Variants in ZFHX3 observed in about 807,000 individuals in gnomAD.
ZFHX3 encodes zinc finger homeobox protein 3.
ZFHX3 carries 42 observed loss-of-function variants against 279.1 expected under a neutral mutation model. The ratio of observed to expected loss-of-function variants is 0.15; its 90% CI spans 0.12 to 0.19. The LOEUF is 0.19. Ranked by LOEUF, ZFHX3 falls within the 10% of genes least tolerant of loss-of-function variation. The probability of loss-of-function intolerance (pLI) is 1.00; values close to 1 mark genes in which losing one functional copy is unlikely to be tolerated. For missense variants in ZFHX3, 4,981 were observed against 4,754.0 expected (o/e 1.05, Z -1.40); for synonymous variants, 2,293 against 1,957.8 (o/e 1.17, Z -4.52).
chr16:72,844,934 C>G (rs1427848356), intron 4 of ZFHX3, among the ~76,000 whole-genome samples: 1 of 151,712 alleles, frequency 6.6e-6, no homozygotes, highest in Non-Finnish European at 1.5e-5. Flanking sequence ...TAACAGTGCT[C>G]CCCTTCCCTG....
chr16:73,262,615 A>T (rs2144969904), intron 4 of ZFHX3, among the ~76,000 whole-genome samples: 1 of 152,344 alleles, frequency 6.6e-6, no homozygotes, highest in South Asian at 2.1e-4. Context: ...AGGTGGCATC[A>T]TCAACCAGAA....
At chr16:72,860,748 G>C (rs2037867532) in intron 4 of ZFHX3, among the ~76,000 whole-genome samples, 1 of 152,094 alleles carries the variant, frequency 6.6e-6, no homozygotes, top group African/African-American at 2.4e-5. Context: ...CAAACTTTTA[G>C]GTCCCCTTTG....
Position 72,790,004 on chromosome 16 carries a change from A to G in ZFHX3, c.9428-1156T>C, listed in dbSNP as rs904821804. 5 of 152,454 alleles carry G rather than the reference A, an allele frequency of 3.3e-5. 1 individual carries two copies. The highest frequency in any genetic ancestry group is 1.9e-4 in the East Asian group (1 of 5,174). The allele number at this position is 152,454 out of a possible 1,614,324, so 9.4% of individuals were successfully genotyped here. On this transcript the variant is annotated intron_variant, in intron 9 of 9. Transcript: ENST00000268489. ...GGTCTGACCATATCACCAGGCCCTC[A>G]TGGGCTAGAATCCCATCCTTGATCA...
At chr16:73,412,763 G>A (rs1016934510) in intron 3 of ZFHX3, among the ~76,000 whole-genome samples, 1 of 152,298 alleles carries the variant, frequency 6.6e-6, no homozygotes, top group Non-Finnish European at 1.5e-5. Flanking sequence ...CCCAGGTTCC[G>A]AACAACAGAC....
chr16:73,359,162 AAG>A (rs1189345332), intron 3 of ZFHX3, among the ~76,000 whole-genome samples: 1 of 148,186 alleles, frequency 6.7e-6, no homozygotes, highest in East Asian at 2.0e-4. Context: ...TAGGTTCTAA[AAG>A]AAGGAGTTTA....
intron 3 of ZFHX3, among the ~76,000 whole-genome samples, chr16:73,427,546 T>C (rs1320042233): frequency 6.6e-6 from 1 of 152,172 alleles, no homozygotes; most frequent in Non-Finnish European, 1.5e-5. Context: ...TCCAGGATGC[T>C]GTGCAAGACC....
intron 1 of ZFHX3, among the ~76,000 whole-genome samples, chr16:73,849,411 G>A (rs1961537579): frequency 6.6e-6 from 1 of 152,168 alleles, no homozygotes; most frequent in African/African-American, 2.4e-5. Context: ...TAGCCAATGT[G>A]TTAGTTCTCT....
At chr16:73,405,704 A>T (rs918444266) in intron 3 of ZFHX3, among the ~76,000 whole-genome samples, 3 of 152,108 alleles carry the variant, frequency 2.0e-5, no homozygotes, top group African/African-American at 7.2e-5. Flanking sequence ...GATGCTTTTG[A>T]TGCATTATTA....
intron 1 of ZFHX3, among the ~76,000 whole-genome samples, chr16:73,785,043 G>C (rs1182885500): frequency 1.3e-5 from 2 of 151,892 alleles, no homozygotes; most frequent in Admixed American, 1.3e-4. Flanking sequence ...AATATTGTTT[G>C]ATTTCAAACT....
intron 4 of ZFHX3, among the ~76,000 whole-genome samples, chr16:73,300,515 T>C (rs1269806391): frequency 6.6e-6 from 1 of 152,066 alleles, no homozygotes; most frequent in Non-Finnish European, 1.5e-5. Flanking sequence ...TTGACTTTTT[T>C]TTTTTTTGGA....
chr16:73,692,064 C>T (rs2053154522), intron 1 of ZFHX3, among the ~76,000 whole-genome samples: 1 of 152,222 alleles, frequency 6.6e-6, no homozygotes, highest in Non-Finnish European at 1.5e-5. Context: ...ATCAATGTCA[C>T]TGCTTTGTCT....
At chr16:72,977,441 C>T (rs1224414439) in intron 1 of ZFHX3, among the ~76,000 whole-genome samples, 1 of 152,120 alleles carries the variant, frequency 6.6e-6, no homozygotes, top group Non-Finnish European at 1.5e-5. Context: ...ATGGGGAATG[C>T]TGCAGAGAGG....
At chr16:73,672,558 A>G (rs1249672733) in intron 2 of ZFHX3, among the ~76,000 whole-genome samples, 1 of 152,182 alleles carries the variant, frequency 6.6e-6, no homozygotes, top group Non-Finnish European at 1.5e-5. Flanking sequence ...AATAATAAAG[A>G]ACAGAAATTA....
At chr16:73,127,965 C>A (rs1380277675) in intron 7 of ZFHX3, among the ~76,000 whole-genome samples, 1 of 152,154 alleles carries the variant, frequency 6.6e-6, no homozygotes, top group Non-Finnish European at 1.5e-5. Context: ...TGGTGTACAA[C>A]CTTCCTGTTC....
At chr16:73,569,350 C>T (rs1451184557) in intron 2 of ZFHX3, among the ~76,000 whole-genome samples, 1 of 151,252 alleles carries the variant, frequency 6.6e-6, no homozygotes. Flanking sequence ...AAATAAAAAG[C>T]CTGGCTTTTA....
intron 8 of ZFHX3, among the ~76,000 whole-genome samples, chr16:73,074,182 G>A (rs1965857727): frequency 6.6e-6 from 1 of 152,158 alleles, no homozygotes; most frequent in Non-Finnish European, 1.5e-5. Flanking sequence ...GAGGTATCTG[G>A]AGAATAATAC....
intron 1 of ZFHX3, among the ~76,000 whole-genome samples, chr16:73,029,880 G>A (rs2144673036): frequency 6.6e-6 from 1 of 152,290 alleles, no homozygotes; most frequent in African/African-American, 2.4e-5. Flanking sequence ...GCTCCAATAA[G>A]GAGAATGCAA....
chr16:73,072,224 C>T (rs1270242531), intron 8 of ZFHX3, among the ~76,000 whole-genome samples: 3 of 152,068 alleles, frequency 2.0e-5, no homozygotes, highest in Non-Finnish European at 4.4e-5. Flanking sequence ...GAAGGTGGAT[C>T]ACTGGAGGTC....
chr16:72,934,053 G>A (rs1443621401), intron 3 of ZFHX3, among the ~76,000 whole-genome samples: 1 of 151,928 alleles, frequency 6.6e-6, no homozygotes, highest in Admixed American at 6.6e-5. Flanking sequence ...CTCCTGACCT[G>A]GTGATCCACC....
Sources: allele counts gnomAD v4.1 joint callset (sites outside exome capture counted in the v4.1 genomes callset), GRCh38; gene constraint gnomAD v4.1.1; transcripts MANE v1.5; gene names NCBI Gene and HGNC (gene_info 2026-07-23, HGNC 2026-07-21).